The following FNDC3A variants were observed in gnomAD, a reference collection of about 807,000 sequenced individuals.
FNDC3A encodes fibronectin type III domain containing 3A.
A neutral mutation model predicts 148.9 loss-of-function variants in FNDC3A; 32 were observed. The observed-to-expected ratio is 0.21, with a 90% CI of 0.16 to 0.29. The LOEUF is 0.29. FNDC3A is among the 10% of genes least tolerant of loss of function. The probability of loss-of-function intolerance (pLI) is 1.00; values close to 1 mark genes in which losing one functional copy is unlikely to be tolerated. For synonymous variants in FNDC3A, 472 were observed against 473.6 expected, an observed-to-expected ratio of 1.00 and a Z score of 0.04; for missense variants, 1,191 against 1,452.8, an observed-to-expected ratio of 0.82 and a Z score of 2.93.
At chr13:49,176,472 G>C (rs1885036844) in intron 13 of FNDC3A, among the ~76,000 whole-genome samples, 1 of 152,104 alleles carries the variant, frequency 6.6e-6, no homozygotes, top group African/African-American at 2.4e-5. Context: ...TCACACAGCA[G>C]TGCCTGTTGG....
In FNDC3A at chr13:49,207,309, G is replaced by A. The variant is rs760183889; in HGVS notation, c.3511G>A (p.Glu1171Lys). The A allele has an allele frequency of 8.7e-6, 14 of 1,613,942 alleles. No homozygotes were observed. The highest frequency in any genetic ancestry group is 6.6e-5 in the South Asian group (6 of 91,074). Residue 1171 changes from glutamate to lysine, a missense_variant, in exon 26 of 26, where the codon GAG (glutamate) becomes AAG (lysine). By Grantham distance (56) the Glu-to-Lys change is moderately conservative. Around this residue, in one of 3 missense-constraint regions of FNDC3A, gnomAD observed 751 missense variants for 944.0 expected, o/e 0.80. Transcript: ENST00000492622. ...STRTRRALSD[E>K]QCAAVILVLF... The stretch of plus-strand genomic sequence containing the variant: ...AAGGACCCGACGGGCACTGAGTGAC[G>A]AGCAGTGTGCTGCCGTCATCCTTGT...
Position 49,207,344 on chromosome 13 carries a change from T to C in FNDC3A, c.3546T>C (p.Ala1182=), listed in dbSNP as rs752423048. 6.2e-7 allele frequency: 1 copy of C among 1,613,370 alleles called. No individual in the cohort carries two copies. Among genetic ancestry groups the C allele is most frequent in the Non-Finnish European group, 8.5e-7 (1 of 1,179,300 alleles). ...CTGCCGTCATCCTTGTGCTGTTTGC[T>C]TTCTTTTCCATTTTGATTGCCTTTA... ...QCAAVILVLF[A]FFSILIAFII... Residue 1182 remains alanine (A), a synonymous_variant, in exon 26 of 26, where the codon GCT becomes GCC. Transcript: ENST00000492622.
At chr13:49,084,180 C>G (rs1235622453) in intron 3 of FNDC3A, among the ~76,000 whole-genome samples, 1 of 152,092 alleles carries the variant, frequency 6.6e-6, no homozygotes, top group Non-Finnish European at 1.5e-5. Context: ...ACAATAATGC[C>G]GTCTTTATTT....
chr13:49,128,201 A>T (rs1347094041), intron 4 of FNDC3A, among the ~76,000 whole-genome samples: 1 of 152,030 alleles, frequency 6.6e-6, no homozygotes, highest in African/African-American at 2.4e-5. Context: ...ATATATGCAG[A>T]ATGTGGGTCA....
intron 1 of FNDC3A, among the ~76,000 whole-genome samples, chr13:48,998,009 G>C (rs112312362): frequency 2.6e-5 from 4 of 151,928 alleles, no homozygotes; most frequent in African/African-American, 9.7e-5. Flanking sequence ...CATCTTCAAG[G>C]AGGACACATA....
intron 8 of FNDC3A, among the ~76,000 whole-genome samples, chr13:49,159,544 T>C (rs1216491248): frequency 6.6e-6 from 1 of 152,226 alleles, no homozygotes; most frequent in South Asian, 2.1e-4. Context: ...TTTCTAAATA[T>C]ACAATCATGT....
intron 1 of FNDC3A, among the ~76,000 whole-genome samples, chr13:48,985,030 T>C (rs1054476131): frequency 1.6e-4 from 24 of 152,198 alleles, no homozygotes; most frequent in Non-Finnish European, 2.2e-4. Context: ...ACAAAACTTT[T>C]AAAAGTTAAT....
intron 2 of FNDC3A, among the ~76,000 whole-genome samples, chr13:49,010,196 G>A (rs1296846482): frequency 6.6e-6 from 1 of 152,146 alleles, no homozygotes; most frequent in East Asian, 1.9e-4. Flanking sequence ...AAATAGTGTT[G>A]GATTGGCTAG....
intron 19 of FNDC3A, among the ~76,000 whole-genome samples, chr13:49,194,838 CTATA>C (rs1886072261): frequency 6.6e-6 from 1 of 151,778 alleles, no homozygotes; most frequent in East Asian, 1.9e-4. Flanking sequence ...TAGCTTTAAA[CTATA>C]TAAAGTTTTA....
intron 2 of FNDC3A, among the ~76,000 whole-genome samples, chr13:49,052,393 C>A (rs1362750952): frequency 6.6e-6 from 1 of 152,074 alleles, no homozygotes; most frequent in African/African-American, 2.4e-5. Flanking sequence ...GTGGTATTCT[C>A]CCTGTTGTCT....
At chr13:49,067,610 G>A (rs1283611470) in intron 2 of FNDC3A, among the ~76,000 whole-genome samples, 5 of 152,110 alleles carry the variant, frequency 3.3e-5, no homozygotes, top group Admixed American at 2.6e-4. Flanking sequence ...GCCAAGGTCC[G>A]ATTTTTCACA....
chr13:49,010,607 C>T (rs1367765839), intron 2 of FNDC3A, among the ~76,000 whole-genome samples: 1 of 152,084 alleles, frequency 6.6e-6, no homozygotes, highest in Non-Finnish European at 1.5e-5. Flanking sequence ...TGAAGTATAA[C>T]ATATATTTAT....
chr13:49,122,924 C>G (rs554611388), intron 4 of FNDC3A, among the ~76,000 whole-genome samples: 1 of 152,234 alleles, frequency 6.6e-6, no homozygotes, highest in African/African-American at 2.4e-5. Flanking sequence ...CCATACTGCC[C>G]AAAGTAATTT....
At chr13:49,025,948 A>AT (rs1873679417) in intron 2 of FNDC3A, among the ~76,000 whole-genome samples, 1 of 152,198 alleles carries the variant, frequency 6.6e-6, no homozygotes, top group African/African-American at 2.4e-5. Context: ...AGAAAATCTT[A>AT]TATATAAGGC....
At chr13:49,155,384 T>G (rs1412503779) in intron 8 of FNDC3A, among the ~76,000 whole-genome samples, 5 of 150,598 alleles carry the variant, frequency 3.3e-5, no homozygotes, top group Non-Finnish European at 7.4e-5. Context: ...TCATTTTTTT[T>G]GTGTGTCTAT....
In FNDC3A at chr13:49,013,646, GTGTATACA is replaced by G. The variant is rs144794119; in HGVS notation, c.99+7370_99+7377del. 4.8e-3 allele frequency among the ~76,000 whole-genome samples: 727 copies of G among 150,590 alleles called. 13 individuals carry two copies. The East Asian group carries it at 0.058, about 12-fold the overall frequency. On this transcript the variant is annotated intron_variant, in intron 2 of 25. Coordinates refer to ENST00000492622, the MANE Select transcript of FNDC3A (RefSeq NM_001079673.2). Reference sequence around the variant, plus strand: ...CGTGTATACATGTATACATGTACATGTGTATACATGTATACATGTACATATGTGCCATG... The same window carrying G: ...CGTGTATACATGTATACATGTACATGTGTATACATGTACATATGTGCCATG...
chr13:49,129,881 T>C (rs1167479121), intron 4 of FNDC3A, among the ~76,000 whole-genome samples: 2 of 152,196 alleles, frequency 1.3e-5, no homozygotes, highest in African/African-American at 4.8e-5. Flanking sequence ...AGTATACCTA[T>C]ACCTACCAAG....
chr13:49,027,362 C>T (rs994796188), intron 2 of FNDC3A, among the ~76,000 whole-genome samples: 1 of 152,124 alleles, frequency 6.6e-6, no homozygotes, highest in Non-Finnish European at 1.5e-5. Flanking sequence ...AACGCTGTCT[C>T]CTTACATTCA....
chr13:49,136,098 G>C (rs991468925), intron 5 of FNDC3A, among the ~76,000 whole-genome samples: 7 of 152,006 alleles, frequency 4.6e-5, no homozygotes, highest in Non-Finnish European at 1.0e-4. Flanking sequence ...GAGAACAGAA[G>C]GAAATAAATC....
Sources: gnomAD v4.1 joint callset for allele counts (sites outside exome capture counted in the v4.1 genomes callset) on GRCh38, gnomAD v4.1.1 for gene constraint, gnomAD v4.1.1 regional missense constraint, MANE v1.5 for transcripts, NCBI Gene and HGNC (gene_info 2026-07-23, HGNC 2026-07-21) for gene names.